The following ZSWIM5 variants were observed in gnomAD, a reference collection of about 807,000 sequenced individuals.
ZSWIM5 encodes the protein zinc finger SWIM domain-containing protein 5.
ZSWIM5 carries 55 observed loss-of-function variants against 119.6 expected under a neutral mutation model. The ratio of observed to expected loss-of-function variants is 0.46; its 90% CI spans 0.37 to 0.58. The LOEUF (loss-of-function observed/expected upper bound fraction) is 0.58, where lower values mean the gene tolerates loss of function less well. Ranked by LOEUF, ZSWIM5 falls within the 20% of genes least tolerant of loss-of-function variation. The pLI is 0.00. For missense variants in ZSWIM5, 1,193 were observed against 1,512.8 expected, an observed-to-expected ratio of 0.79 and a Z score of 3.51; for synonymous variants, 537 against 606.9, an observed-to-expected ratio of 0.88 and a Z score of 1.69.
At chr1:45,073,457 C>A (rs2149005663) in intron 2 of ZSWIM5, among the ~76,000 whole-genome samples, 1 of 151,476 alleles carries the variant, frequency 6.6e-6, no homozygotes, top group Middle Eastern at 3.4e-3. Flanking sequence ...TAGAGTTTCA[C>A]CATGTTGGCC....
intron 1 of ZSWIM5, among the ~76,000 whole-genome samples, chr1:45,100,599 C>G (rs1645433681): frequency 1.3e-5 from 2 of 152,182 alleles, no homozygotes; most frequent in East Asian, 1.9e-4. Flanking sequence ...CAAGACAATC[C>G]TAAGCCAAAA....
At chr1:45,099,892 G>A (rs1265069625) in intron 1 of ZSWIM5, among the ~76,000 whole-genome samples, 2 of 152,046 alleles carry the variant, frequency 1.3e-5, no homozygotes, top group African/African-American at 2.4e-5. Flanking sequence ...TTGATGTAAC[G>A]TATCTCAAAA....
chr1:45,171,007 A>AT (rs1353181423), intron 1 of ZSWIM5, among the ~76,000 whole-genome samples: 1 of 152,184 alleles, frequency 6.6e-6, no homozygotes, highest in African/African-American at 2.4e-5. Context: ...TAGTAATTAC[A>AT]TTTATTTCAC....
intron 1 of ZSWIM5, among the ~76,000 whole-genome samples, chr1:45,151,735 C>T (rs549704443): frequency 2.6e-5 from 4 of 151,946 alleles, no homozygotes; most frequent in African/African-American, 7.2e-5. Flanking sequence ...TGCCAAGACT[C>T]GAAAAAGGAA....
chr1:45,082,939 T>C (rs1463506074), intron 2 of ZSWIM5, among the ~76,000 whole-genome samples: 1 of 152,014 alleles, frequency 6.6e-6, no homozygotes, highest in Non-Finnish European at 1.5e-5. Flanking sequence ...AGCTTGGAAA[T>C]AATTCTGGGG....
chr1:45,100,110 C>T (rs1285798297), intron 1 of ZSWIM5, among the ~76,000 whole-genome samples: 2 of 152,172 alleles, frequency 1.3e-5, no homozygotes, highest in Non-Finnish European at 2.9e-5. Flanking sequence ...ATCAAATTGT[C>T]CCTGTTTGCA....
rs1389750161 is a variant in ZSWIM5, at chr1:45,057,737, G to A, written c.1252+872C>T. ...AAGCAGGGCAAGAAGTATTAGCATT[G>A]CAAAACTGGTCTTAGAGCAAGGGAA... On this transcript the variant is annotated intron_variant, in intron 4 of 13. Transcript: ENST00000359600. This position sits in a 1 kb window ranked among gnomAD's most constrained non-coding sequence, Gnocchi z 4.7. Among the ~76,000 whole-genome samples the A allele has an allele frequency of 6.6e-6, 1 of 152,200 alleles. No homozygotes were observed. The highest frequency in any genetic ancestry group is 2.4e-5 in the African/African-American group (1 of 41,446).
At chr1:45,119,254 C>A (rs998631819) in intron 1 of ZSWIM5, among the ~76,000 whole-genome samples, 1 of 152,300 alleles carries the variant, frequency 6.6e-6, no homozygotes, top group African/African-American at 2.4e-5. Flanking sequence ...TTACCTCACT[C>A]TAGTTTCTCA....
At chr1:45,166,463 G>A (rs538518631) in intron 1 of ZSWIM5, among the ~76,000 whole-genome samples, 1 of 152,126 alleles carries the variant, frequency 6.6e-6, no homozygotes, top group South Asian at 2.1e-4. Context: ...TGGAAGTTCT[G>A]GCCAGGGCAA....
intron 1 of ZSWIM5, among the ~76,000 whole-genome samples, chr1:45,157,981 T>C (rs568301300): frequency 3.3e-5 from 5 of 152,308 alleles, no homozygotes; most frequent in Non-Finnish European, 7.3e-5. Flanking sequence ...GATGTGTTTG[T>C]TCACATCTTT....
chr1:45,117,580 G>A (rs1451267661), intron 1 of ZSWIM5, among the ~76,000 whole-genome samples: 1 of 152,198 alleles, frequency 6.6e-6, no homozygotes, highest in African/African-American at 2.4e-5. Flanking sequence ...GATGAGGTGG[G>A]AGGATGGCTT....
chr1:45,114,628 G>A (rs1441861453), intron 1 of ZSWIM5, among the ~76,000 whole-genome samples: 1 of 149,650 alleles, frequency 6.7e-6, no homozygotes, highest in Non-Finnish European at 1.5e-5. Context: ...CACACAGCAT[G>A]TTTGTACTCT....
intron 11 of ZSWIM5, among the ~76,000 whole-genome samples, chr1:45,032,917 C>G (rs951937398): frequency 6.6e-6 from 1 of 151,280 alleles, no homozygotes; most frequent in African/African-American, 2.4e-5. Flanking sequence ...CTTTTTTACT[C>G]TGATTGCTTT....
At position 45,020,068 on chromosome 1, in the gene ZSWIM5, A is replaced by G; in HGVS notation, c.2693T>C (p.Val898Ala). The change falls in exon 13 of 14, where the codon GTG becomes GCG. Residue 898 changes from valine (V) to alanine (A), a missense_variant and splice_region_variant. Coordinates refer to ENST00000359600, the MANE Select transcript of ZSWIM5 (RefSeq NM_020883.2). ...VRWLVTCATE[V>A]GVRALVSILQ... is the part of the protein sequence containing the mutation. ...GTAGAGGGAGGTGGGAGACTCACCC[A>G]CTTCTGTAGCACAGGTCACCAACCA... 1 of 1,612,358 alleles carries G rather than the reference A, an allele frequency of 6.2e-7. No homozygotes were observed.
rs779223162 is a variant in ZSWIM5 at position 45,051,242 on chromosome 1, C to G, written c.1264G>C (p.Val422Leu). 7 of 1,613,370 alleles carry G rather than the reference C, an allele frequency of 4.3e-6. No homozygotes were observed. The Admixed American group carries it at 1.2e-4, about 27-fold the overall frequency. Residue 422 changes from valine (V) to leucine (L), a missense_variant, in exon 5 of 14, where the codon GTG becomes CTG. Transcript: ENST00000359600. ...CAGTGTGGATTTAAAATTATGCACA[C>G]CCATAAAGCCCCTGGAAAATAAAGC... Reference protein sequence around the residue: ...QLWDELGALWVCIILNPHCKL... With the variant: ...QLWDELGALWLCIILNPHCKL...
chr1:45,060,582 G>C (rs959425761), intron 2 of ZSWIM5, among the ~76,000 whole-genome samples: 6 of 152,022 alleles, frequency 3.9e-5, no homozygotes, highest in African/African-American at 1.4e-4. Flanking sequence ...GTGACATTTT[G>C]TTTCTTCTTT....
chr1:45,186,366 C>T (rs1464328221), intron 1 of ZSWIM5, among the ~76,000 whole-genome samples: 1 of 149,386 alleles, frequency 6.7e-6, no homozygotes, highest in Non-Finnish European at 1.5e-5. Context: ...CTAACCTGCA[C>T]ATTGTGCACA....
At chr1:45,074,680 T>G (rs1259805919) in intron 2 of ZSWIM5, among the ~76,000 whole-genome samples, 2 of 152,030 alleles carry the variant, frequency 1.3e-5, no homozygotes, top group East Asian at 3.9e-4. Flanking sequence ...ACCTTTTGTT[T>G]TATTGATTTT....
chr1:45,051,939 T>C (rs1645091404), intron 4 of ZSWIM5, among the ~76,000 whole-genome samples: 2 of 152,126 alleles, frequency 1.3e-5, no homozygotes, highest in South Asian at 2.1e-4. Flanking sequence ...AATAATTTAT[T>C]TGGACTTGGA....
Sources: allele counts gnomAD v4.1 joint callset (sites outside exome capture counted in the v4.1 genomes callset), GRCh38; gene constraint gnomAD v4.1.1; non-coding constraint Gnocchi (gnomAD v3.1); transcripts MANE v1.5; gene names NCBI Gene and HGNC (gene_info 2026-07-23, HGNC 2026-07-21).